SENP2: variants seen among roughly 807,000 people sequenced by gnomAD.
The protein encoded by SENP2 is sentrin-specific protease 2.
In SENP2, 16 loss-of-function variants were observed where a neutral mutation model predicts 86.3. The ratio of observed to expected loss-of-function variants is 0.19; its 90% CI spans 0.13 to 0.28. The LOEUF (loss-of-function observed/expected upper bound fraction) is 0.28, where lower values mean the gene tolerates loss of function less well. Ranked by LOEUF, SENP2 falls within the 10% of genes least tolerant of loss-of-function variation. SENP2 has a pLI of 1.00. For synonymous variants in SENP2, 222 were observed against 238.7 expected, an observed-to-expected ratio of 0.93 and a Z score of 0.64; for missense variants, 552 against 703.0, an observed-to-expected ratio of 0.79 and a Z score of 2.43.
At position 185,587,570 on chromosome 3, in the gene SENP2, A is replaced by ATTTTTTTTTTTTT. The variant is rs398052522; in HGVS notation, c.101+1058_101+1070dup. Among the ~76,000 whole-genome samples the ATTTTTTTTTTTTT allele has an allele frequency of 4.0e-4, 48 of 118,822 alleles. 1 individual carries two copies. The highest frequency in any genetic ancestry group is 6.3e-4 in the Non-Finnish European group (36 of 57,492). The allele number at this position is 118,822 out of a possible 152,430, so 78.0% of individuals were successfully genotyped here. A position where few individuals can be genotyped will look rare whatever the true frequency, so the allele number is the denominator to read the frequency against. On this transcript the variant is annotated intron_variant, in intron 1 of 16. Coordinates refer to ENST00000296257, the MANE Select transcript of SENP2 (RefSeq NM_021627.3). ...CTTCAACTTTAGTGATCAAGTGTTA[A>ATTTTTTTTTTTTT]TTTTTTTTTTTTTTGAGAAGGAGTC...
chr3:185,607,869 A>G (rs781107091), intron 6 of SENP2, among the ~76,000 whole-genome samples: 1 of 152,202 alleles, frequency 6.6e-6, no homozygotes, highest in Non-Finnish European at 1.5e-5. Context: ...GTGACTAAGG[A>G]AGGGAAGTAA....
intron 4 of SENP2, among the ~76,000 whole-genome samples, chr3:185,599,533 G>T (rs1241744938): frequency 6.6e-6 from 1 of 152,054 alleles, no homozygotes; most frequent in Non-Finnish European, 1.5e-5. Flanking sequence ...GGGAAAAGTA[G>T]GAAGAAGCCA....
rs1712518417 is a variant in SENP2 at position 185,632,260 on chromosome 3, CAG to C, written c.*2419_*2420del. On this transcript the variant is annotated 3_prime_UTR_variant, in exon 17 of 17. Transcript: ENST00000296257. The stretch of plus-strand genomic sequence containing the variant: ...TTGTTTTTTTTTTTTTTTTTTGCGA[CAG>C]AGTCTCTTGTCGCCCAGGCTGGAGT... 3 of 105,484 alleles carry C rather than the reference CAG, an allele frequency of 2.8e-5. No individual in the cohort carries two copies. Among genetic ancestry groups the C allele is most frequent in the African/African-American group, 7.5e-5 (2 of 26,752 alleles). 6.5% of individuals were successfully genotyped at this position (105,484 alleles called of 1,614,324 possible). A position where few individuals can be genotyped will look rare whatever the true frequency, so the allele number is the denominator to read the frequency against.
At chr3:185,626,429 C>A in intron 16 of SENP2, 36 bp downstream of exon 16, 1 of 1,447,504 alleles carries the variant, frequency 6.9e-7, no homozygotes, top group Non-Finnish European at 9.7e-7. Context: ...TTACTTGTTA[C>A]TAAGCAAGAT....
At chr3:185,596,700 C>CTACAAT (rs1466518634) in intron 2 of SENP2, among the ~76,000 whole-genome samples, 1 of 151,840 alleles carries the variant, frequency 6.6e-6, no homozygotes, top group Non-Finnish European at 1.5e-5. Flanking sequence ...TTGTTTAGGG[C>CTACAAT]AACTACAGTA....
chr3:185,603,745 C>T (rs988836147), intron 5 of SENP2, among the ~76,000 whole-genome samples: 1 of 152,230 alleles, frequency 6.6e-6, no homozygotes, highest in African/African-American at 2.4e-5. Context: ...ATTTTCTAAG[C>T]ATTTAATGCT....
chr3:185,620,764 GGAAA>G, intron 13 of SENP2, among the ~76,000 whole-genome samples: 1 of 152,138 alleles, frequency 6.6e-6, no homozygotes, highest in East Asian at 1.9e-4. Flanking sequence ...ATTTTTAACA[GGAAA>G]GAGTCTTAGT....
chr3:185,599,085 A>C, intron 4 of SENP2, 61 bp downstream of exon 4: 2 of 1,205,322 alleles, frequency 1.7e-6, no homozygotes, highest in Non-Finnish European at 2.4e-6. Flanking sequence ...TTTTTCCTAC[A>C]TTTTGAAAAT....
chr3:185,613,110 T>G (rs950269395), intron 9 of SENP2, among the ~76,000 whole-genome samples: 2 of 152,264 alleles, frequency 1.3e-5, no homozygotes, highest in African/African-American at 4.8e-5. Flanking sequence ...ACTGTCTGGC[T>G]GCTTTTAAAT....
intron 7 of SENP2, among the ~76,000 whole-genome samples, chr3:185,610,602 T>G (rs1033724132): frequency 1.3e-5 from 2 of 152,226 alleles, no homozygotes; most frequent in African/African-American, 4.8e-5. Flanking sequence ...AACAGCAGTA[T>G]GTTTAACGAA....
Position 185,632,169 on chromosome 3 carries a change from C to T in SENP2, c.*2325C>T, listed in dbSNP as rs1712504678. ...GTTTAAGTGTTCAGTTGAAAAACAG[C>T]TATTGATTTTATTAGTAGCAAATTA... On this transcript the variant is annotated 3_prime_UTR_variant, in exon 17 of 17. Coordinates refer to ENST00000296257, the MANE Select transcript of SENP2 (RefSeq NM_021627.3). 1 of 144,532 alleles carries T rather than the reference C, an allele frequency of 6.9e-6. No individual in the cohort carries two copies. The highest frequency in any genetic ancestry group is 1.5e-5 in the Non-Finnish European group (1 of 66,634). 9.0% of individuals were successfully genotyped at this position (144,532 alleles called of 1,614,324 possible).
At chr3:185,592,686 G>A (rs926220706) in intron 2 of SENP2, among the ~76,000 whole-genome samples, 1 of 150,356 alleles carries the variant, frequency 6.7e-6, no homozygotes, top group African/African-American at 2.5e-5. Context: ...GCACATTCTC[G>A]GCCCACTGCA....
At chr3:185,611,768 G>T in intron 8 of SENP2, 23 bp downstream of exon 8, 3 of 1,527,016 alleles carry the variant, frequency 2.0e-6, no homozygotes, top group Non-Finnish European at 2.7e-6. Context: ...ATTTAGCCTT[G>T]TCTTAATATA....
chr3:185,611,812 G>T, intron 8 of SENP2, 67 bp downstream of exon 8: 1 of 1,116,752 alleles, frequency 9.0e-7, no homozygotes, highest in Non-Finnish European at 1.3e-6. Context: ...GTTCATATGA[G>T]GTAGAAAATT....
At chr3:185,607,577 A>G (rs1226483746) in intron 6 of SENP2, among the ~76,000 whole-genome samples, 1 of 151,940 alleles carries the variant, frequency 6.6e-6, no homozygotes, top group Admixed American at 6.6e-5. Context: ...TGATCCACCT[A>G]CCTCAGCCTC....
At position 185,619,239 on chromosome 3, in the gene SENP2, A is replaced by T. The variant is rs961018284; in HGVS notation, c.1243-60A>T. ...TCGAATTCATCCTTATTCAGGTAGA[A>T]ATTTAGTTTTGATAATATGTTTGCC... is the stretch of plus-strand genomic sequence containing the variant. On this transcript the variant is annotated intron_variant, in intron 12 of 16. Coordinates refer to ENST00000296257, the MANE Select transcript of SENP2 (RefSeq NM_021627.3). 8.4e-5 allele frequency: 102 copies of T among 1,218,080 alleles called. 1 individual carries two copies. The highest frequency in any genetic ancestry group is 1.1e-4 in the Non-Finnish European group (93 of 823,930). 75.5% of individuals were successfully genotyped at this position (1,218,080 alleles called of 1,614,324 possible).
intron 2 of SENP2, among the ~76,000 whole-genome samples, chr3:185,593,769 C>T (rs1722085388): frequency 6.8e-6 from 1 of 147,336 alleles, no homozygotes; most frequent in African/African-American, 2.5e-5. Context: ...TTTCTCGTTG[C>T]CCAAGCTGCA....
chr3:185,616,882 T>C (rs1711633231), intron 11 of SENP2, among the ~76,000 whole-genome samples: 1 of 152,320 alleles, frequency 6.6e-6, no homozygotes, highest in East Asian at 1.9e-4. Flanking sequence ...TTCTACCTTT[T>C]AATAATTATA....
chr3:185,620,053 CT>C (rs200651806), intron 13 of SENP2, among the ~76,000 whole-genome samples: 221 of 144,028 alleles, frequency 1.5e-3, no homozygotes, highest in African/African-American at 4.5e-3. Context: ...TTTTCTTTTT[CT>C]TTTTTTTTTT....
Sources: allele counts gnomAD v4.1 joint callset (sites outside exome capture counted in the v4.1 genomes callset), GRCh38; gene constraint gnomAD v4.1.1; transcripts MANE v1.5; gene names NCBI Gene and HGNC (gene_info 2026-07-23, HGNC 2026-07-21).